The following PCDH9 variants were observed in gnomAD, a reference collection of about 807,000 sequenced individuals.
PCDH9 encodes the protein protocadherin-9.
PCDH9 carries 24 observed loss-of-function variants against 70.6 expected under a neutral mutation model. That is an observed-to-expected ratio of 0.34 (90% CI 0.25 to 0.48). PCDH9 has a LOEUF of 0.48. PCDH9 is among the 20% of genes least tolerant of loss of function. The probability of loss-of-function intolerance (pLI) is 0.99; values close to 1 mark genes in which losing one functional copy is unlikely to be tolerated. For missense variants in PCDH9, 1,281 were observed against 1,503.6 expected, an observed-to-expected ratio of 0.85 and a Z score of 2.45; for synonymous variants, 562 against 558.5, an observed-to-expected ratio of 1.01 and a Z score of -0.09.
At chr13:66,613,580 G>A (rs1421464136) in intron 4 of PCDH9, among the ~76,000 whole-genome samples, 4 of 152,086 alleles carry the variant, frequency 2.6e-5, no homozygotes, top group Admixed American at 6.5e-5. Context: ...TTACACTCTG[G>A]GGCCATGGCC....
At chr13:66,609,742 A>C (rs1417275233) in intron 4 of PCDH9, among the ~76,000 whole-genome samples, 1 of 152,084 alleles carries the variant, frequency 6.6e-6, no homozygotes, top group Non-Finnish European at 1.5e-5. Flanking sequence ...TTGAGAACAA[A>C]AAAGTAAATC....
chr13:67,041,502 G>A (rs2085112664), intron 2 of PCDH9, among the ~76,000 whole-genome samples: 1 of 152,070 alleles, frequency 6.6e-6, no homozygotes, highest in African/African-American at 2.4e-5. Context: ...AGACTAGATT[G>A]CTATAGTTCA....
intron 3 of PCDH9, among the ~76,000 whole-genome samples, chr13:66,786,667 G>A (rs1339077713): frequency 6.6e-6 from 1 of 152,072 alleles, no homozygotes; most frequent in African/African-American, 2.4e-5. Context: ...TCTTTCAACT[G>A]TACTACCCTG....
intron 4 of PCDH9, among the ~76,000 whole-genome samples, chr13:66,447,727 T>C (rs1958123986): frequency 6.6e-6 from 1 of 152,156 alleles, no homozygotes; most frequent in Non-Finnish European, 1.5e-5. Flanking sequence ...CAAATAATAA[T>C]TGAAATAAAG....
At chr13:67,223,986 G>C (rs1390260348) in intron 2 of PCDH9, 1 of 152,084 alleles carries the variant, frequency 6.6e-6, no homozygotes, top group African/African-American at 2.4e-5. Context: ...AGTCCTTCCA[G>C]AGCAATAAAT....
chr13:66,589,075 T>C lies in PCDH9; in HGVS notation c.3340+42135A>G, dbSNP rs1434257919. On this transcript the variant is annotated intron_variant, in intron 4 of 4. Transcript: ENST00000377865. ...AATGTTGCTTTAGTCGTTGGTTATC[T>C]CTCAACTAGTTCCAAAAGAAAATTA... is the stretch of plus-strand genomic sequence containing the variant. Among the ~76,000 whole-genome samples the C allele has an allele frequency of 2.6e-5, 4 of 152,074 alleles. No individual in the cohort carries two copies. The East Asian group carries it at 7.7e-4, about 29-fold the overall frequency.
At chr13:66,747,349 TCAAAACAAAACAAAA>T (rs60690085) in intron 3 of PCDH9, among the ~76,000 whole-genome samples, 44,189 of 147,142 alleles carry the variant, frequency 0.3, 6,842 homozygotes, top group East Asian at 0.45. Context: ...AGACGCCATC[TCAAAACAAAACAAAA>T]CAAAACAAAA....
chr13:66,717,052 G>A (rs1291215969), intron 3 of PCDH9, among the ~76,000 whole-genome samples: 1 of 151,946 alleles, frequency 6.6e-6, no homozygotes, highest in Admixed American at 6.6e-5. Flanking sequence ...TGTATATTCT[G>A]ATATTAGAGC....
At chr13:66,306,879 T>C (rs910809782) in intron 4 of PCDH9, among the ~76,000 whole-genome samples, 1 of 152,058 alleles carries the variant, frequency 6.6e-6, no homozygotes. Flanking sequence ...TTTATCACTT[T>C]TAGGCTCCCT....
intron 4 of PCDH9, among the ~76,000 whole-genome samples, chr13:66,352,126 G>A (rs752973659): frequency 6.6e-6 from 1 of 152,038 alleles, no homozygotes; most frequent in South Asian, 2.1e-4. Flanking sequence ...ATGAGCCACC[G>A]TGCCCGGCCT....
intron 3 of PCDH9, among the ~76,000 whole-genome samples, chr13:66,812,184 G>T (rs2080521614): frequency 6.6e-6 from 1 of 152,072 alleles, no homozygotes; most frequent in Non-Finnish European, 1.5e-5. Flanking sequence ...GAACTTTCAG[G>T]ATAAGCATAA....
intron 3 of PCDH9, among the ~76,000 whole-genome samples, chr13:66,639,458 G>A (rs987597267): frequency 2.6e-4 from 40 of 152,296 alleles, no homozygotes; most frequent in African/African-American, 9.4e-4. Flanking sequence ...AATGTCATAA[G>A]GTGATAAGTA....
chr13:66,424,132 C>T (rs1047922489), intron 4 of PCDH9, among the ~76,000 whole-genome samples: 2 of 152,034 alleles, frequency 1.3e-5, no homozygotes, highest in East Asian at 3.9e-4. Context: ...ATGTGAAGGG[C>T]CTCCTCAATG....
At chr13:66,331,701 A>G (rs1955943640) in intron 4 of PCDH9, among the ~76,000 whole-genome samples, 1 of 152,194 alleles carries the variant, frequency 6.6e-6, no homozygotes, top group Non-Finnish European at 1.5e-5. Flanking sequence ...AAGGAATACA[A>G]CTAGGAACAA....
At chr13:67,105,923 ATATATT>A (rs1487838627) in intron 2 of PCDH9, among the ~76,000 whole-genome samples, 9 of 150,920 alleles carry the variant, frequency 6.0e-5, no homozygotes, top group Admixed American at 5.3e-4. Flanking sequence ...AAATATACAT[ATATATT>A]TATAACTATA....
intron 4 of PCDH9, among the ~76,000 whole-genome samples, chr13:66,378,134 A>G (rs1956782251): frequency 6.6e-6 from 1 of 152,220 alleles, no homozygotes; most frequent in African/African-American, 2.4e-5. Context: ...GATCATAGAA[A>G]TAACTTTGCC....
chr13:66,466,522 T>G (rs1958516589), intron 4 of PCDH9, among the ~76,000 whole-genome samples: 1 of 152,088 alleles, frequency 6.6e-6, no homozygotes, highest in Non-Finnish European at 1.5e-5. Flanking sequence ...TTCTGAGGAC[T>G]TCTCAGGTAG....
intron 4 of PCDH9, among the ~76,000 whole-genome samples, chr13:66,599,322 T>G (rs915127612): frequency 2.6e-5 from 4 of 151,748 alleles, no homozygotes; most frequent in African/African-American, 9.7e-5. Context: ...ATTTTGAATG[T>G]AAAAAACCAG....
At chr13:67,093,161 A>C (rs1049539352) in intron 2 of PCDH9, among the ~76,000 whole-genome samples, 2 of 152,194 alleles carry the variant, frequency 1.3e-5, no homozygotes, top group Non-Finnish European at 2.9e-5. Flanking sequence ...TTGTCTTTAA[A>C]AGAGCAAAAT....
Sources: allele counts gnomAD v4.1 joint callset (sites outside exome capture counted in the v4.1 genomes callset), GRCh38; gene constraint gnomAD v4.1.1; transcripts MANE v1.5; gene names NCBI Gene and HGNC (gene_info 2026-07-23, HGNC 2026-07-21).